The following GRIN3A variants were observed in gnomAD, a reference collection of about 807,000 sequenced individuals.
GRIN3A encodes glutamate receptor ionotropic, NMDA 3A.
GRIN3A carries 47 observed loss-of-function variants against 92.4 expected under a neutral mutation model. The observed-to-expected ratio is 0.51, with a 90% CI of 0.40 to 0.65. GRIN3A has a LOEUF of 0.65. Ranked by LOEUF, GRIN3A falls within the 30% of genes least tolerant of loss-of-function variation. GRIN3A has a pLI of 0.00. For synonymous variants in GRIN3A, 527 were observed against 540.6 expected (o/e 0.97, Z 0.35); for missense variants, 1,324 against 1,393.1 (o/e 0.95, Z 0.79).
chr9:101,661,201 T>G (rs781419289), intron 3 of GRIN3A, among the ~76,000 whole-genome samples: 1 of 151,856 alleles, frequency 6.6e-6, no homozygotes, highest in Non-Finnish European at 1.5e-5. Flanking sequence ...GTGGAGCAAA[T>G]ATTGCTATTG....
intron 2 of GRIN3A, among the ~76,000 whole-genome samples, chr9:101,672,214 G>C (rs1465763788): frequency 1.3e-5 from 2 of 152,032 alleles, no homozygotes; most frequent in Non-Finnish European, 2.9e-5. Context: ...CTTTAGTTTT[G>C]TCACCAGCAA....
chr9:101,600,050 A>C (rs1284964610), intron 6 of GRIN3A, among the ~76,000 whole-genome samples: 1 of 152,162 alleles, frequency 6.6e-6, no homozygotes, highest in Non-Finnish European at 1.5e-5. Flanking sequence ...TTTTAAATCA[A>C]AGTTTTGCTA....
intron 1 of GRIN3A, among the ~76,000 whole-genome samples, chr9:101,691,374 C>T (rs1481756902): frequency 6.6e-6 from 1 of 151,856 alleles, no homozygotes; most frequent in African/African-American, 2.4e-5. Flanking sequence ...TAGGGTCCAG[C>T]AAAACTAGGA....
intron 5 of GRIN3A, among the ~76,000 whole-genome samples, chr9:101,622,720 G>A (rs540019486): frequency 3.3e-5 from 5 of 152,044 alleles, no homozygotes; most frequent in Non-Finnish European, 7.4e-5. Context: ...TTCAGTCCCA[G>A]TATTATCATC....
At chr9:101,603,028 CACTGA>C (rs1828232272) in intron 6 of GRIN3A, 1 of 146,808 alleles carries the variant, frequency 6.8e-6, no homozygotes, top group Non-Finnish European at 1.5e-5. Flanking sequence ...CCCACTCAGA[CACTGA>C]GCTAGAGGAA....
Position 101,573,281 on chromosome 9 carries a change from C to CT in GRIN3A, c.3240dup (p.Glu1081ArgfsTer34). ...ATCACCTGAATCTGCTTCTCGAGCTCTGAGAGTTCCTGCATCACTGAGTTC... is the reference window on the plus strand; with the variant it reads ...ATCACCTGAATCTGCTTCTCGAGCTCTTGAGAGTTCCTGCATCACTGAGTTC... On this transcript the variant is annotated frameshift_variant, in exon 9 of 9. Transcript: ENST00000361820. LOFTEE classifies it high-confidence loss of function. 1 of 1,614,032 alleles carries CT rather than the reference C, an allele frequency of 6.2e-7. No individual in the cohort carries two copies. Among genetic ancestry groups the CT allele is most frequent in the Non-Finnish European group, 8.5e-7 (1 of 1,179,958 alleles).
chr9:101,709,017 C>G (rs956298615), intron 1 of GRIN3A, among the ~76,000 whole-genome samples: 2 of 152,154 alleles, frequency 1.3e-5, no homozygotes, highest in South Asian at 4.1e-4. Context: ...TCAAAATATT[C>G]CTATGACCCT....
chr9:101,687,012 G>C lies in GRIN3A; in HGVS notation c.888C>G (p.Asn296Lys). 6.2e-7 allele frequency: 1 copy of C among 1,614,046 alleles called. No homozygotes were observed. The highest frequency in any genetic ancestry group is 1.3e-5 in the African/African-American group (1 of 75,028). ...NSKFHLGSIINITANLPSTQD... is the reference protein window; with the variant it reads ...NSKFHLGSIIKITANLPSTQD... The stretch of plus-strand genomic sequence containing the variant: ...GGGTGGAGGGGAGGTTAGCGGTGAT[G>C]TTGATGATAGAACCAAGGTGGAACT... The change falls in exon 2 of 9, where the codon AAC (asparagine) becomes AAG (lysine). Residue 296 changes from asparagine to lysine, a missense_variant. Physicochemically the swap from Asn to Lys is moderately conservative, Grantham distance 94. Transcript: ENST00000361820.
intron 1 of GRIN3A, among the ~76,000 whole-genome samples, chr9:101,726,641 A>G (rs113629592): frequency 4.5e-4 from 68 of 151,954 alleles, no homozygotes; most frequent in African/African-American, 1.6e-3. Flanking sequence ...AGAAGTCACT[A>G]CCCATATGTT....
intron 1 of GRIN3A, among the ~76,000 whole-genome samples, chr9:101,692,627 A>G (rs1829634061): frequency 6.6e-6 from 1 of 152,188 alleles, no homozygotes; most frequent in Non-Finnish European, 1.5e-5. Flanking sequence ...CACTGCTTTT[A>G]CCAGAGATGA....
intron 1 of GRIN3A, among the ~76,000 whole-genome samples, chr9:101,695,417 A>C (rs1447052121): frequency 6.6e-6 from 1 of 152,182 alleles, no homozygotes; most frequent in Non-Finnish European, 1.5e-5. Flanking sequence ...AGCAGACAAG[A>C]AATAAGGCCC....
At chr9:101,624,165 G>A (rs1828596864) in intron 4 of GRIN3A, among the ~76,000 whole-genome samples, 1 of 151,720 alleles carries the variant, frequency 6.6e-6, no homozygotes, top group East Asian at 1.9e-4. Context: ...GCCCATCCCT[G>A]GATATTGTTA....
intron 3 of GRIN3A, among the ~76,000 whole-genome samples, chr9:101,663,064 A>G (rs992702144): frequency 1.5e-5 from 2 of 131,068 alleles, no homozygotes; most frequent in African/African-American, 3.0e-5. Flanking sequence ...TGGCTTTCCA[A>G]TGTCATAGTT....
At chr9:101,701,635 A>T (rs1829755263) in intron 1 of GRIN3A, among the ~76,000 whole-genome samples, 1 of 152,200 alleles carries the variant, frequency 6.6e-6, no homozygotes, top group Non-Finnish European at 1.5e-5. Flanking sequence ...GGACATTGGC[A>T]CAGACAAAGA....
intron 7 of GRIN3A, among the ~76,000 whole-genome samples, chr9:101,578,746 C>T (rs1017612276): frequency 6.6e-6 from 1 of 152,144 alleles, no homozygotes; most frequent in African/African-American, 2.4e-5. Flanking sequence ...GAAGCTTGGC[C>T]TTGGCCCCAA....
Position 101,699,514 on chromosome 9 carries a change from A to G in GRIN3A, c.700-12314T>C, listed in dbSNP as rs566539697. On this transcript the variant is annotated intron_variant, in intron 1 of 8. Transcript: ENST00000361820. Reference sequence around the variant, plus strand: ...ATGTGGTCCATGAATGTTATGCAGCACATGACTGTATTTCTGGATAAAGAG... The same window carrying G: ...ATGTGGTCCATGAATGTTATGCAGCGCATGACTGTATTTCTGGATAAAGAG... Among the ~76,000 whole-genome samples, 4 of 152,364 alleles carry G rather than the reference A, an allele frequency of 2.6e-5. No homozygotes were observed. The South Asian group carries it at 8.3e-4, about 32-fold the overall frequency.
intron 6 of GRIN3A, among the ~76,000 whole-genome samples, chr9:101,607,658 A>C (rs1370433088): frequency 6.6e-6 from 1 of 152,178 alleles, no homozygotes; most frequent in African/African-American, 2.4e-5. Context: ...GGATTAAGGC[A>C]CTCGCCAAAA....
intron 3 of GRIN3A, among the ~76,000 whole-genome samples, chr9:101,662,278 A>G (rs1829181093): frequency 6.6e-6 from 1 of 151,848 alleles, no homozygotes. Flanking sequence ...GTTCACCTTG[A>G]CAATGGGTGG....
chr9:101,676,551 T>C (rs1829398187), intron 2 of GRIN3A, among the ~76,000 whole-genome samples: 1 of 149,096 alleles, frequency 6.7e-6, no homozygotes, highest in Non-Finnish European at 1.5e-5. Context: ...CATAAAGCTC[T>C]ATCAATTTTT....
Sources: allele counts gnomAD v4.1 joint callset (sites outside exome capture counted in the v4.1 genomes callset), GRCh38; gene constraint gnomAD v4.1.1; transcripts MANE v1.5; gene names NCBI Gene and HGNC (gene_info 2026-07-23, HGNC 2026-07-21).